RIN3: variants seen among roughly 807,000 people sequenced by gnomAD.
The protein encoded by RIN3 is Ras and Rab interactor 3, also known as RAB5 interacting protein 3.
In RIN3, 54 loss-of-function variants were observed where a neutral mutation model predicts 76.3. The ratio of observed to expected loss-of-function variants is 0.71; its 90% confidence interval spans 0.57 to 0.89. The LOEUF (loss-of-function observed/expected upper bound fraction) is 0.89, where lower values mean the gene tolerates loss of function less well. RIN3 is among the 40% of genes least tolerant of loss of function. The pLI is 0.00. For missense variants in RIN3, 1,256 were observed against 1,322.1 expected (o/e 0.95, Z 0.78); for synonymous variants, 576 against 564.0 (o/e 1.02, Z -0.30).
At chr14:92,574,606 C>T (rs955039869) in intron 2 of RIN3, among the ~76,000 whole-genome samples, 8 of 151,766 alleles carry the variant, frequency 5.3e-5, no homozygotes, top group Middle Eastern at 3.2e-3. Context: ...AAGGGAAGCT[C>T]AGCAGAGGAC....
At chr14:92,578,791 T>C (rs1329970997) in intron 3 of RIN3, among the ~76,000 whole-genome samples, 3 of 152,182 alleles carry the variant, frequency 2.0e-5, no homozygotes, top group African/African-American at 7.2e-5. Flanking sequence ...AGCTGATCCA[T>C]AAGAAAGAAT....
chr14:92,570,477 A>G (rs1898034366), intron 2 of RIN3, among the ~76,000 whole-genome samples: 1 of 152,192 alleles, frequency 6.6e-6, no homozygotes, highest in African/African-American at 2.4e-5. Flanking sequence ...AGCCTGGCCA[A>G]TATGATGAAG....
At chr14:92,528,660 C>G (rs1896809555) in intron 1 of RIN3, among the ~76,000 whole-genome samples, 1 of 152,218 alleles carries the variant, frequency 6.6e-6, no homozygotes. Flanking sequence ...ACTGTGAGAC[C>G]TCTCCGATCA....
At chr14:92,548,088 C>T (rs1041424749) in intron 1 of RIN3, among the ~76,000 whole-genome samples, 5 of 152,162 alleles carry the variant, frequency 3.3e-5, no homozygotes, top group Non-Finnish European at 7.3e-5. Context: ...TCTGAAATAA[C>T]TCTAATGACA....
chr14:92,557,090 G>A lies in RIN3; in HGVS notation c.249+1135G>A, dbSNP rs367663719. On this transcript the variant is annotated intron_variant, in intron 2 of 9. Coordinates refer to ENST00000216487, the MANE Select transcript of RIN3 (RefSeq NM_024832.5). ...TCCGAAGTCACGTTGCATGCGGTAC[G>A]TCTGTCTGCACATTTTCCATGCATA... 5.9e-5 allele frequency among the ~76,000 whole-genome samples: 9 copies of A among 152,166 alleles called. No individual in the cohort carries two copies. The East Asian group carries it at 1.3e-3, about 23-fold the overall frequency.
intron 3 of RIN3, among the ~76,000 whole-genome samples, chr14:92,611,582 A>T (rs755398860): frequency 6.6e-6 from 1 of 151,968 alleles, no homozygotes; most frequent in Non-Finnish European, 1.5e-5. Context: ...GAGGACACCA[A>T]CCGTTGGATT....
intron 3 of RIN3, among the ~76,000 whole-genome samples, chr14:92,606,992 T>C (rs1220105912): frequency 6.6e-6 from 1 of 152,230 alleles, no homozygotes; most frequent in African/African-American, 2.4e-5. Flanking sequence ...ACTATCCAAA[T>C]GTCCATCAAC....
chr14:92,515,355 G>A, intron 1 of RIN3: 1 of 668,656 alleles, frequency 1.5e-6, no homozygotes, highest in African/African-American at 1.8e-5. Flanking sequence ...AAGGGGAGGT[G>A]AGGGGCCAGG....
At chr14:92,684,641 T>G (rs1452685311) in intron 8 of RIN3, among the ~76,000 whole-genome samples, 4 of 152,112 alleles carry the variant, frequency 2.6e-5, no homozygotes, top group Non-Finnish European at 5.9e-5. Context: ...CCCTGTCTCC[T>G]GGCCACCCCT....
chr14:92,558,983 C>T (rs1012454149), intron 2 of RIN3, among the ~76,000 whole-genome samples: 1 of 150,912 alleles, frequency 6.6e-6, no homozygotes, highest in Non-Finnish European at 1.5e-5. Flanking sequence ...TCTCCTGCCT[C>T]AGCCTCCCAA....
In RIN3 at chr14:92,685,369, T is replaced by C; in HGVS notation, c.2631+219T>C. ...GCGTCTAGAAACATATCAGCAGGCA[T>C]TGGTGTTCTCCCTGGGCAAGCAGGA... On this transcript the variant is annotated intron_variant, in intron 9 of 9. Transcript: ENST00000216487. This position sits in a 1 kb window ranked among gnomAD's most constrained non-coding sequence, Gnocchi z 4.7. 1.8e-6 allele frequency: 1 copy of C among 557,564 alleles called. No individual in the cohort carries two copies. The highest frequency in any genetic ancestry group is 3.2e-6 in the Non-Finnish European group (1 of 311,078). 34.5% of individuals were successfully genotyped at this position (557,564 alleles called of 1,614,324 possible).
In RIN3 at chr14:92,658,267, C is replaced by T. The variant is rs368689606; in HGVS notation, c.2027-894C>T. Among the ~76,000 whole-genome samples, 11 of 152,300 alleles carry T rather than the reference C, an allele frequency of 7.2e-5. 1 individual carries two copies. Among genetic ancestry groups the T allele is most frequent in the African/African-American group, 2.6e-4 (11 of 41,572 alleles). On this transcript the variant is annotated intron_variant, in intron 6 of 9. Coordinates refer to ENST00000216487, the MANE Select transcript of RIN3 (RefSeq NM_024832.5). ...AATGCCTCTCAGATAGGACGACATTCGAACAGTGAAGGAACCAGCCATGTG... is the reference window on the plus strand; with the variant it reads ...AATGCCTCTCAGATAGGACGACATTTGAACAGTGAAGGAACCAGCCATGTG...
chr14:92,651,427 G>A (rs368021672), intron 5 of RIN3, among the ~76,000 whole-genome samples, 155 bp from the exon 6 acceptor site: 6 of 86,302 alleles, frequency 7.0e-5, no homozygotes, highest in South Asian at 5.1e-4. Flanking sequence ...GTTTGAAAGC[G>A]TCCAAGAGGG....
Position 92,514,084 on chromosome 14 carries a change from G to A in RIN3, c.44+108G>A. ...AGAGTCCTTCGGGCGCGTGACCTCG[G>A]GGTTGTCGGGCTGATACGGGACCCC... On this transcript the variant is annotated intron_variant, in intron 1 of 9. Transcript: ENST00000216487. The surrounding 1 kb of genome is among the most constrained non-coding windows in gnomAD (Gnocchi z 7.2). 1.3e-6 allele frequency: 1 copy of A among 794,996 alleles called. No individual in the cohort carries two copies. The allele number at this position is 794,996 out of a possible 1,614,324, so 49.2% of individuals were successfully genotyped here. A position where few individuals can be genotyped will look rare whatever the true frequency, so the allele number is the denominator to read the frequency against.
intron 2 of RIN3, among the ~76,000 whole-genome samples, chr14:92,557,281 G>T (rs1338116308): frequency 6.6e-6 from 1 of 152,230 alleles, no homozygotes. Flanking sequence ...CGATGCAAAG[G>T]CATTGAGTGC....
chr14:92,642,961 G>A (rs905997147), intron 5 of RIN3, among the ~76,000 whole-genome samples: 11 of 152,194 alleles, frequency 7.2e-5, no homozygotes, highest in Non-Finnish European at 1.3e-4. Context: ...GGCACAAGAG[G>A]TTAAGTCATG....
In RIN3 at chr14:92,623,036, G is replaced by A. The variant is rs974793721; in HGVS notation, c.440+7557G>A. Among the ~76,000 whole-genome samples, 8 of 152,284 alleles carry A rather than the reference G, an allele frequency of 5.3e-5. No individual in the cohort carries two copies. The highest frequency in any genetic ancestry group is 6.8e-3 in the Middle Eastern group (2 of 294). On this transcript the variant is annotated intron_variant, in intron 4 of 9. Coordinates refer to ENST00000216487, the MANE Select transcript of RIN3 (RefSeq NM_024832.5). The surrounding 1 kb of genome is among the most constrained non-coding windows in gnomAD (Gnocchi z 4.9). The stretch of plus-strand genomic sequence containing the variant: ...TCTTTGGACTAGTCCACGAATGCAG[G>A]GCATGATGCAGCATCCAACAAGAAT...
intron 7 of RIN3, among the ~76,000 whole-genome samples, chr14:92,664,364 C>CTTTTTTTTTTTTT (rs373597134): frequency 6.5e-4 from 55 of 84,440 alleles, no homozygotes; most frequent in Non-Finnish European, 9.1e-4. Context: ...TTCTTTCTTT[C>CTTTTTTTTTTTTT]TTTTTTTTTT....
chr14:92,557,522 C>T (rs1282712958), intron 2 of RIN3, among the ~76,000 whole-genome samples: 7 of 152,226 alleles, frequency 4.6e-5, no homozygotes, highest in Non-Finnish European at 1.0e-4. Context: ...CGAATGGACT[C>T]GTTCACCTCG....
Sources: gnomAD v4.1 joint callset for allele counts (sites outside exome capture counted in the v4.1 genomes callset) on GRCh38, gnomAD v4.1.1 for gene constraint, Gnocchi (gnomAD v3.1) non-coding constraint, MANE v1.5 for transcripts, NCBI Gene and HGNC (gene_info 2026-07-23, HGNC 2026-07-21) for gene names.